The following GSE1 variants were observed in gnomAD, a reference collection of about 807,000 sequenced individuals.
GSE1 encodes the protein Gse1 coiled-coil protein, also known as genetic suppressor element 1.
In GSE1, 32 loss-of-function variants were observed where a neutral mutation model predicts 112.6. That is an observed-to-expected ratio of 0.28 (90% CI 0.21 to 0.38). The LOEUF (loss-of-function observed/expected upper bound fraction) is 0.38, where lower values mean the gene tolerates loss of function less well. Among genes scored for constraint, GSE1 ranks in the 10% least tolerant of loss-of-function variants. GSE1 has a pLI of 1.00. For missense variants in GSE1, 2,348 were observed against 1,699.2 expected (o/e 1.38, Z -6.71); for synonymous variants, 1,115 against 735.6 (o/e 1.52, Z -8.35).
chr16:85,381,318 T>C (rs763357411), intron 2 of GSE1, among the ~76,000 whole-genome samples: 7 of 152,232 alleles, frequency 4.6e-5, no homozygotes, highest in African/African-American at 1.7e-4. Flanking sequence ...TAATATTTCA[T>C]TGTGTGGATA....
chr16:85,469,192 G>T (rs2050211333), intron 2 of GSE1, among the ~76,000 whole-genome samples: 1 of 152,156 alleles, frequency 6.6e-6, no homozygotes, highest in Non-Finnish European at 1.5e-5. Flanking sequence ...GGATGTGGAG[G>T]TTGCAGTGAG....
chr16:85,630,644 G>A (rs941587783), intron 1 of GSE1, among the ~76,000 whole-genome samples: 5 of 152,188 alleles, frequency 3.3e-5, no homozygotes, highest in Non-Finnish European at 7.3e-5. Context: ...ACAGTTCAAC[G>A]TATCTTAGCT....
In GSE1 at chr16:85,478,927, C is replaced by CTTTCTTTTCTTTCTTTCTT. The variant is rs1285190496; in HGVS notation, c.2464+121285_2464+121286insTTCTTTTCTTTCTTTCTTT. Among the ~76,000 whole-genome samples the CTTTCTTTTCTTTCTTTCTT allele has an allele frequency of 3.9e-4, 11 of 28,046 alleles. 2 individuals are homozygous for CTTTCTTTTCTTTCTTTCTT. Among genetic ancestry groups the CTTTCTTTTCTTTCTTTCTT allele is most frequent in the African/African-American group, 1.4e-3 (9 of 6,516 alleles). The allele number at this position is 28,046 out of a possible 152,430, so 18.4% of individuals were successfully genotyped here. On this transcript the variant is annotated intron_variant, in intron 2 of 2. Transcript: ENST00000637419. Reference sequence around the variant, plus strand: ...TCTTTCTTTCTTTCTTTCTTTCTTTCTCTTTCTTTCTTTCTTTCTTTTTTT... The same window carrying CTTTCTTTTCTTTCTTTCTT: ...TCTTTCTTTCTTTCTTTCTTTCTTTCTTTCTTTTCTTTCTTTCTTTCTTTCTTTCTTTCTTTCTTTTTTT...
intron 2 of GSE1, among the ~76,000 whole-genome samples, chr16:85,495,323 T>C (rs928313764): frequency 3.3e-5 from 5 of 152,028 alleles, no homozygotes; most frequent in Non-Finnish European, 7.4e-5. Context: ...TCCCGGCCTG[T>C]GGTTCGGTAG....
chr16:85,213,010 C>T (rs2075251170), intron 1 of GSE1, among the ~76,000 whole-genome samples: 1 of 152,140 alleles, frequency 6.6e-6, no homozygotes, highest in African/African-American at 2.4e-5. Context: ...GTGGCTCACT[C>T]CTGTAATCCC....
intron 2 of GSE1, among the ~76,000 whole-genome samples, chr16:85,511,420 C>T (rs1431642778): frequency 4.0e-5 from 6 of 151,458 alleles, no homozygotes; most frequent in Non-Finnish European, 7.4e-5. Flanking sequence ...CCCAGCTACT[C>T]GGGAGGCTGA....
intron 1 of GSE1, among the ~76,000 whole-genome samples, chr16:85,208,095 G>A (rs994787163): frequency 6.6e-6 from 1 of 152,174 alleles, no homozygotes; most frequent in African/African-American, 2.4e-5. Flanking sequence ...GCAGCATTAG[G>A]AGGGAGTCAG....
intron 1 of GSE1, among the ~76,000 whole-genome samples, chr16:85,599,023 A>T (rs577415231): frequency 6.6e-6 from 1 of 152,184 alleles, no homozygotes; most frequent in South Asian, 2.1e-4. Context: ...TGTGAATTAA[A>T]TCTTCCAGTA....
intron 1 of GSE1, among the ~76,000 whole-genome samples, chr16:85,326,678 A>T (rs1350493022): frequency 1.3e-5 from 2 of 152,170 alleles, no homozygotes; most frequent in East Asian, 3.9e-4. Flanking sequence ...TCTTTTCTTT[A>T]TCAATTCCTC....
At chr16:85,208,808 G>A (rs1257945974) in intron 1 of GSE1, among the ~76,000 whole-genome samples, 3 of 107,094 alleles carry the variant, frequency 2.8e-5, no homozygotes, top group East Asian at 2.5e-4. Flanking sequence ...CTGTGTTGGG[G>A]TTTGCCACGT....
At chr16:85,351,859 G>A (rs765506591) in intron 1 of GSE1, among the ~76,000 whole-genome samples, 7 of 152,028 alleles carry the variant, frequency 4.6e-5, no homozygotes, top group African/African-American at 7.2e-5. Flanking sequence ...GCCTGGTGGC[G>A]GCCACCTGTA....
At chr16:85,236,158 C>T (rs914623907) in intron 1 of GSE1, among the ~76,000 whole-genome samples, 186 of 152,272 alleles carry the variant, frequency 1.2e-3, no homozygotes, top group African/African-American at 4.3e-3. Context: ...GGCGGCCGGG[C>T]TCGGGTTTCT....
chr16:85,600,572 C>CAT (rs1341222036), intron 1 of GSE1, among the ~76,000 whole-genome samples: 2 of 147,886 alleles, frequency 1.4e-5, no homozygotes, highest in African/African-American at 5.3e-5. Context: ...AACACACACA[C>CAT]ACACACACAC....
chr16:85,537,739 C>T (rs1051420964), intron 2 of GSE1, among the ~76,000 whole-genome samples: 7 of 152,154 alleles, frequency 4.6e-5, no homozygotes, highest in African/African-American at 1.4e-4. Context: ...GAGGCCCTGG[C>T]GAGAAAGATG....
chr16:85,253,567 C>T (rs1906747042), intron 1 of GSE1, among the ~76,000 whole-genome samples: 1 of 152,194 alleles, frequency 6.6e-6, no homozygotes, highest in South Asian at 2.1e-4. Flanking sequence ...CCTCACCCTC[C>T]CAGGGCTCAC....
At position 85,668,068 on chromosome 16, in the gene GSE1, G is replaced by C. The variant is rs143795850; in HGVS notation, c.3131-72G>C. The C allele has an allele frequency of 1.4e-5, 16 of 1,171,104 alleles. No individual in the cohort carries two copies. The East Asian group carries it at 3.5e-4, about 26-fold the overall frequency. The allele number at this position is 1,171,104 out of a possible 1,614,324, so 72.5% of individuals were successfully genotyped here. A position where few individuals can be genotyped will look rare whatever the true frequency, so the allele number is the denominator to read the frequency against. On this transcript the variant is annotated intron_variant, in intron 13 of 15. Transcript: ENST00000253458. Reference sequence around the variant, plus strand: ...TTGACTCTGCACCAAGGGCAGAGCAGAGCTCCCTTCTGAGACAGCACCCTG... The same window carrying C: ...TTGACTCTGCACCAAGGGCAGAGCACAGCTCCCTTCTGAGACAGCACCCTG...
rs150002133 is a variant in GSE1 at position 85,193,172 on chromosome 16, G to C, written c.2283+21365G>C. On this transcript the variant is annotated intron_variant, in intron 1 of 2. Coordinates refer to the GSE1 transcript ENST00000637419. ...CATCAAAAGAATAAGAAAAAAGGTT[G>C]AACACCGAGTCCACATTCCCTCTAT... Among the ~76,000 whole-genome samples, 115 of 152,206 alleles carry C rather than the reference G, an allele frequency of 7.6e-4. 1 individual carries two copies. The Middle Eastern group carries it at 0.01, about 14-fold the overall frequency.
rs202241632 is a variant in GSE1 at position 85,665,155 on chromosome 16, A to T, written c.2758+27A>T. 23 of 1,340,188 alleles carry T rather than the reference A, an allele frequency of 1.7e-5. No homozygotes were observed. In the Middle Eastern group the frequency reaches 1.2e-3, roughly 70 times the overall value. The allele number at this position is 1,340,188 out of a possible 1,614,324, so 83.0% of individuals were successfully genotyped here. A position where few individuals can be genotyped will look rare whatever the true frequency, so the allele number is the denominator to read the frequency against. On this transcript the variant is annotated intron_variant, in intron 12 of 15. Coordinates refer to ENST00000253458, the MANE Select transcript of GSE1 (RefSeq NM_014615.5). ...TAAGGGAAGGATAGCCCCACCTGCC[A>T]CCACCCAGGACCATCCCATGGGCTG...
At chr16:85,556,704 G>A (rs1476489338) in intron 1 of GSE1, among the ~76,000 whole-genome samples, 2 of 149,776 alleles carry the variant, frequency 1.3e-5, no homozygotes, top group African/African-American at 4.9e-5. Flanking sequence ...AGTAAGCGCC[G>A]AGTGTGAAGT....
Sources: gnomAD v4.1 joint callset for allele counts (sites outside exome capture counted in the v4.1 genomes callset) on GRCh38, gnomAD v4.1.1 for gene constraint, MANE v1.5 for transcripts, NCBI Gene and HGNC (gene_info 2026-07-23, HGNC 2026-07-21) for gene names.